The following SGCD variants were observed in gnomAD, a reference collection of about 807,000 sequenced individuals.
SGCD encodes the protein sarcoglycan delta, also known as delta-sarcoglycan.
A neutral mutation model predicts 36.6 loss-of-function variants in SGCD; 18 were observed. The observed-to-expected ratio is 0.49, with a 90% CI of 0.34 to 0.73. SGCD has a LOEUF of 0.73. Among genes scored for constraint, SGCD ranks in the 30% least tolerant of loss-of-function variants. The pLI, the probability that SGCD is intolerant of heterozygous loss-of-function variation, is 0.01. For synonymous variants in SGCD, 133 were observed against 130.6 expected, an observed-to-expected ratio of 1.02 and a Z score of -0.12; for missense variants, 387 against 346.7, an observed-to-expected ratio of 1.12 and a Z score of -0.92.
At chr5:156,200,906 CT>C (rs1479420109) in intron 3 of SGCD, among the ~76,000 whole-genome samples, 1 of 152,108 alleles carries the variant, frequency 6.6e-6, no homozygotes, top group Non-Finnish European at 1.5e-5. Context: ...TATTATGCAG[CT>C]TTAAAACAGG....
At chr5:156,669,695 T>C (rs1753209366) in intron 7 of SGCD, among the ~76,000 whole-genome samples, 2 of 152,288 alleles carry the variant, frequency 1.3e-5, no homozygotes, top group Admixed American at 6.5e-5. Flanking sequence ...CTCAGTATCA[T>C]GTAGGAAGCA....
the SGCD span, among the ~76,000 whole-genome samples, chr5:155,816,923 C>T: frequency 1.3e-5 from 2 of 152,118 alleles, no homozygotes; most frequent in African/African-American, 2.4e-5. Context: ...TCTTTATTAG[C>T]CTGATGCCTA....
chr5:156,558,369 G>T (rs1482488933), intron 4 of SGCD, among the ~76,000 whole-genome samples: 3 of 151,722 alleles, frequency 2.0e-5, no homozygotes, highest in Non-Finnish European at 4.4e-5. Context: ...CACACACTAG[G>T]TATCCAACAT....
At chr5:155,828,016 G>C in the SGCD span, among the ~76,000 whole-genome samples, 1 of 151,836 alleles carries the variant, frequency 6.6e-6, no homozygotes, top group African/African-American at 2.4e-5. Context: ...AAGAATTTCT[G>C]TTACTAAGAA....
chr5:156,465,895 C>G (rs537545177), intron 3 of SGCD, among the ~76,000 whole-genome samples: 1 of 152,322 alleles, frequency 6.6e-6, no homozygotes, highest in South Asian at 2.1e-4. Context: ...GGCTAGCAGT[C>G]TCTTGTACTC....
chr5:155,983,484 G>A (rs972715352), intron 1 of SGCD, among the ~76,000 whole-genome samples: 1 of 152,150 alleles, frequency 6.6e-6, no homozygotes, highest in Non-Finnish European at 1.5e-5. Context: ...ATTTTTAGTA[G>A]AGATGGGGTT....
chr5:155,898,697 C>T (rs1056969259), intron 1 of SGCD, among the ~76,000 whole-genome samples: 3 of 152,184 alleles, frequency 2.0e-5, no homozygotes, highest in African/African-American at 4.8e-5. Context: ...TCTCTGCCAT[C>T]CTCACCATGC....
chr5:156,242,790 G>A (rs775801950), intron 3 of SGCD, among the ~76,000 whole-genome samples: 1 of 152,194 alleles, frequency 6.6e-6, no homozygotes, highest in Non-Finnish European at 1.5e-5. Flanking sequence ...GCTGCCCAGC[G>A]TGTGGTGTTG....
In SGCD at chr5:156,635,265, C is replaced by A. The variant is rs149990979; in HGVS notation, c.503-12199C>A. 6.3e-3 allele frequency among the ~76,000 whole-genome samples: 960 copies of A among 152,038 alleles called. 11 individuals carry two copies. The highest frequency in any genetic ancestry group is 6.4e-3 in the Admixed American group (98 of 15,272). On this transcript the variant is annotated intron_variant, in intron 6 of 8. Transcript: ENST00000337851. ...ATGGGGCTTTCTGACATTTATGCAG[C>A]CAAAAGACACATGAAAAAATGCACA...
At chr5:155,798,195 G>A in the SGCD span, among the ~76,000 whole-genome samples, 1 of 152,042 alleles carries the variant, frequency 6.6e-6, no homozygotes, top group South Asian at 2.1e-4. Flanking sequence ...TACAATTATT[G>A]AATCTCTTCA....
chr5:156,513,698 T>C (rs1757036819), intron 4 of SGCD, among the ~76,000 whole-genome samples: 1 of 152,238 alleles, frequency 6.6e-6, no homozygotes, highest in South Asian at 2.1e-4. Context: ...CTGATTTCAT[T>C]ACTGAAGGTT....
chr5:156,156,673 C>A (rs56356206), intron 3 of SGCD, among the ~76,000 whole-genome samples: 6,185 of 151,226 alleles, frequency 0.041, 437 homozygotes, highest in African/African-American at 0.11. Context: ...ACACCCCAAA[C>A]CTATCGAATT....
intron 1 of SGCD, among the ~76,000 whole-genome samples, chr5:156,088,157 C>T (rs190303919): frequency 3.1e-4 from 47 of 152,226 alleles, no homozygotes; most frequent in Admixed American, 3.1e-3. Context: ...CTTAAGTGTC[C>T]TGCTGATTTG....
At chr5:156,308,224 G>T (rs1767284463) in intron 3 of SGCD, among the ~76,000 whole-genome samples, 1 of 152,116 alleles carries the variant, frequency 6.6e-6, no homozygotes, top group African/African-American at 2.4e-5. Flanking sequence ...TACAATCGTG[G>T]CGGAGGGCAA....
chr5:155,823,016 C>G, the SGCD span, among the ~76,000 whole-genome samples: 2,578 of 152,200 alleles, frequency 0.017, 81 homozygotes, highest in African/African-American at 0.059. Context: ...GTATCTCTCT[C>G]TCTCTCCATA....
At chr5:156,309,848 G>A (rs1767344089) in intron 3 of SGCD, among the ~76,000 whole-genome samples, 1 of 151,808 alleles carries the variant, frequency 6.6e-6, no homozygotes, top group Admixed American at 6.6e-5. Context: ...CTGCCATCAG[G>A]TCTTTTTTTT....
chr5:156,217,415 C>G (rs1764603465), intron 3 of SGCD, among the ~76,000 whole-genome samples: 1 of 152,124 alleles, frequency 6.6e-6, no homozygotes, highest in Non-Finnish European at 1.5e-5. Context: ...AGGAGTTATA[C>G]TAGCCATGGT....
At chr5:155,974,487 A>C (rs1011282365) in intron 1 of SGCD, among the ~76,000 whole-genome samples, 2 of 151,626 alleles carry the variant, frequency 1.3e-5, no homozygotes, top group Middle Eastern at 3.2e-3. Flanking sequence ...CCCACAGGTC[A>C]CAATCCACAG....
intron 3 of SGCD, among the ~76,000 whole-genome samples, chr5:156,314,995 A>G (rs559561252): frequency 6.6e-6 from 1 of 152,190 alleles, no homozygotes; most frequent in African/African-American, 2.4e-5. Flanking sequence ...TTGAGAAATA[A>G]TCACCACAAT....
Sources: gnomAD v4.1 joint callset for allele counts (sites outside exome capture counted in the v4.1 genomes callset) on GRCh38, gnomAD v4.1.1 for gene constraint, MANE v1.5 for transcripts, NCBI Gene and HGNC (gene_info 2026-07-23, HGNC 2026-07-21) for gene names.